The following TBCEL variants were observed in gnomAD, a reference collection of about 807,000 sequenced individuals.
TBCEL encodes the protein tubulin-specific chaperone cofactor E-like protein.
A neutral mutation model predicts 44.2 loss-of-function variants in TBCEL; 15 were observed. The ratio of observed to expected loss-of-function variants is 0.34; its 90% CI spans 0.23 to 0.52. The LOEUF is 0.52. Ranked by LOEUF, TBCEL falls within the 20% of genes least tolerant of loss-of-function variation. The pLI, the probability that TBCEL is intolerant of heterozygous loss-of-function variation, is 0.95. For missense variants in TBCEL, 319 were observed against 506.3 expected (o/e 0.63, Z 3.55); for synonymous variants, 171 against 185.4 (o/e 0.92, Z 0.63).
chr11:121,059,344 T>C (rs988841005), intron 7 of TBCEL, among the ~76,000 whole-genome samples: 40 of 151,976 alleles, frequency 2.6e-4, no homozygotes, highest in Non-Finnish European at 5.0e-4. Context: ...TTTGCAAATA[T>C]AATAAGTTAA....
chr11:121,070,149 T>G (rs1381630081), intron 8 of TBCEL, among the ~76,000 whole-genome samples: 1 of 152,010 alleles, frequency 6.6e-6, no homozygotes, highest in African/African-American at 2.4e-5. Context: ...AAAACCACAA[T>G]GAGATACCAT....
chr11:121,069,779 T>C (rs1945891212), intron 8 of TBCEL, among the ~76,000 whole-genome samples: 1 of 151,460 alleles, frequency 6.6e-6, no homozygotes, highest in Non-Finnish European at 1.5e-5. Context: ...GCGACAAAGC[T>C]AGACTGTCTG....
At chr11:121,042,098 G>A (rs1237429448) in intron 2 of TBCEL, among the ~76,000 whole-genome samples, 1 of 151,982 alleles carries the variant, frequency 6.6e-6, no homozygotes, top group Non-Finnish European at 1.5e-5. Context: ...TATTGCCCTT[G>A]AATTGTGTAA....
intron 8 of TBCEL, among the ~76,000 whole-genome samples, chr11:121,064,783 A>AC (rs1945787673): frequency 6.6e-6 from 1 of 152,120 alleles, no homozygotes; most frequent in Admixed American, 6.5e-5. Flanking sequence ...GACATGAGTG[A>AC]CACAATAATA....
At position 121,046,218 on chromosome 11, in the gene TBCEL, T is replaced by C. The variant is rs552585684; in HGVS notation, c.133+395T>C. 4.1e-3 allele frequency among the ~76,000 whole-genome samples: 620 copies of C among 152,174 alleles called. 2 individuals are homozygous for C. The highest frequency in any genetic ancestry group is 0.014 in the African/African-American group (568 of 41,524). On this transcript the variant is annotated intron_variant, in intron 3 of 8. Transcript: ENST00000683345. Reference sequence around the variant, plus strand: ...TTTATGTTGAGCCAAATGAATGGTATAGTGATTTGGAAAGAAATTTAAAAG... The same window carrying C: ...TTTATGTTGAGCCAAATGAATGGTACAGTGATTTGGAAAGAAATTTAAAAG...
chr11:121,071,403 C>A (rs1029431568), intron 8 of TBCEL, among the ~76,000 whole-genome samples: 3 of 152,018 alleles, frequency 2.0e-5, no homozygotes, highest in African/African-American at 7.2e-5. Context: ...ATTTAGGGTG[C>A]CTTTTCAGAC....
intron 8 of TBCEL, among the ~76,000 whole-genome samples, chr11:121,066,658 G>A (rs1945826681): frequency 6.6e-6 from 1 of 152,220 alleles, no homozygotes; most frequent in African/African-American, 2.4e-5. Context: ...TGGCCAGAGT[G>A]AGTGGCGAAT....
intron 8 of TBCEL, among the ~76,000 whole-genome samples, chr11:121,062,646 C>G (rs1352063013): frequency 6.6e-6 from 1 of 152,110 alleles, no homozygotes; most frequent in Non-Finnish European, 1.5e-5. Context: ...ATTTATACTT[C>G]TGTACTAGTT....
chr11:121,044,587 C>T (rs1289639057), intron 2 of TBCEL, among the ~76,000 whole-genome samples: 1 of 152,076 alleles, frequency 6.6e-6, no homozygotes, highest in Admixed American at 6.6e-5. Context: ...AGCCTGATAC[C>T]TAATAGTTGA....
chr11:121,031,662 C>CCT (rs1945146493), intron 1 of TBCEL, among the ~76,000 whole-genome samples: 1 of 101,866 alleles, frequency 9.8e-6, no homozygotes. Flanking sequence ...TTTTTTCTTT[C>CCT]TTTTTTTTTT....
At chr11:121,063,832 A>C (rs146351075) in intron 8 of TBCEL, among the ~76,000 whole-genome samples, 2 of 152,192 alleles carry the variant, frequency 1.3e-5, no homozygotes, top group African/African-American at 4.8e-5. Context: ...TTCTGGTAGA[A>C]TCTACACTTT....
intron 8 of TBCEL, among the ~76,000 whole-genome samples, chr11:121,074,424 A>G (rs1945996726): frequency 6.6e-6 from 1 of 152,048 alleles, no homozygotes; most frequent in African/African-American, 2.4e-5. Flanking sequence ...ATTTAACCAT[A>G]GATCTTCAAT....
Position 121,088,326 on chromosome 11 carries a change from A to C in TBCEL, c.*1230A>C, listed in dbSNP as rs2135031561. The C allele has an allele frequency of 6.6e-6, 1 of 152,344 alleles. No individual in the cohort carries two copies. Among genetic ancestry groups the C allele is most frequent in the Non-Finnish European group, 1.5e-5 (1 of 68,032 alleles). The allele number at this position is 152,344 out of a possible 1,614,324, so 9.4% of individuals were successfully genotyped here. A position where few individuals can be genotyped will look rare whatever the true frequency, so the allele number is the denominator to read the frequency against. ...GTATAACTGCCCAATCTATGAGTAA[A>C]GTGTAAGTGTCAAAACTTTACAATT... is the stretch of plus-strand genomic sequence containing the variant. On this transcript the variant is annotated 3_prime_UTR_variant, in exon 9 of 9. Transcript: ENST00000683345.
intron 4 of TBCEL, chr11:121,047,882 GC>G: frequency 2.7e-6 from 1 of 376,288 alleles, no homozygotes; most frequent in Non-Finnish European, 4.5e-6. Context: ...GATCACTTGA[GC>G]CCAGGAATTC....
intron 5 of TBCEL, chr11:121,054,665 T>A (rs1343569235): frequency 6.4e-6 from 1 of 156,670 alleles, no homozygotes. Context: ...GGAATTTTCT[T>A]CTATCTCCTT....
At chr11:121,073,976 A>G (rs1164360953) in intron 8 of TBCEL, among the ~76,000 whole-genome samples, 10 of 151,898 alleles carry the variant, frequency 6.6e-5, no homozygotes, top group Admixed American at 3.3e-4. Context: ...GGATGTTTCC[A>G]TCTATTTTGA....
At chr11:121,057,498 TA>T (rs1421990320) in intron 6 of TBCEL, 2 of 394,928 alleles carry the variant, frequency 5.1e-6, no homozygotes, top group Non-Finnish European at 9.9e-6. Flanking sequence ...TTGTTTGTTT[TA>T]AATTTTAGAT....
At chr11:121,034,738 AG>A (rs1303918867) in intron 1 of TBCEL, among the ~76,000 whole-genome samples, 4 of 152,350 alleles carry the variant, frequency 2.6e-5, no homozygotes, top group Admixed American at 2.6e-4. Flanking sequence ...ATGAAAAATA[AG>A]GGTATATTAT....
intron 5 of TBCEL, 166 bp from the exon 6 acceptor site, chr11:121,054,886 C>T: frequency 1.6e-6 from 1 of 629,788 alleles, no homozygotes; most frequent in Non-Finnish European, 2.4e-6. Flanking sequence ...TTTGTCTTCC[C>T]AGCTATATTT....
Sources: gnomAD v4.1 joint callset for allele counts (sites outside exome capture counted in the v4.1 genomes callset) on GRCh38, gnomAD v4.1.1 for gene constraint, MANE v1.5 for transcripts, NCBI Gene and HGNC (gene_info 2026-07-23, HGNC 2026-07-21) for gene names.